BCAT1: variants seen among roughly 807,000 people sequenced by gnomAD.
BCAT1 encodes branched-chain-amino-acid aminotransferase, cytosolic.
Under a neutral mutation model 52.4 loss-of-function variants are expected in BCAT1, and 48 were observed. The ratio of observed to expected loss-of-function variants is 0.92; its 90% CI spans 0.73 to 1.16. The LOEUF is 1.16. Among genes scored for constraint, BCAT1 ranks in the 50% most tolerant of loss-of-function variants. The pLI is 0.00. For synonymous variants in BCAT1, 167 were observed against 161.3 expected (o/e 1.04, Z -0.27); for missense variants, 451 against 457.1 (o/e 0.99, Z 0.12).
At position 24,836,512 on chromosome 12, in the gene BCAT1, C is replaced by T. The variant is rs749256768; in HGVS notation, c.902G>A (p.Trp301Ter). 1 of 1,611,444 alleles carries T rather than the reference C, an allele frequency of 6.2e-7. No individual in the cohort carries two copies. The highest frequency in any genetic ancestry group is 2.2e-5 in the East Asian group (1 of 44,830). ...RRCILDLAHQ[W>*]GEFKVSERYL... ...GTTGTTCATATCAAAGGCACCCACCCACTGATGTGCCAGGTCCAGAATGCA... is the reference window on the plus strand; with the variant it reads ...GTTGTTCATATCAAAGGCACCCACCTACTGATGTGCCAGGTCCAGAATGCA... Residue 301 changes from tryptophan to a stop codon, truncating the protein, a stop_gained and splice_region_variant, in exon 8 of 11, where the codon TGG becomes TAG. Coordinates refer to ENST00000261192, the MANE Select transcript of BCAT1 (RefSeq NM_005504.7). LOFTEE classifies it high-confidence loss of function.
At chr12:24,832,182 C>G (rs1940695890) in intron 9 of BCAT1, among the ~76,000 whole-genome samples, 1 of 152,102 alleles carries the variant, frequency 6.6e-6, no homozygotes, top group Non-Finnish European at 1.5e-5. Flanking sequence ...CCCTAGTGAG[C>G]TGGTAGGAAG....
rs1439835381 is a variant in BCAT1 at position 24,894,382 on chromosome 12, G to A, written c.172C>T (p.Leu58=). 1.2e-6 allele frequency: 2 copies of A among 1,613,802 alleles called. No individual in the cohort carries two copies. Among genetic ancestry groups the A allele is most frequent in the East Asian group, 4.5e-5 (2 of 44,886 alleles). The change falls in exon 3 of 11, where the codon CTG becomes TTG. Residue 58 remains leucine, a synonymous_variant. Transcript: ENST00000261192. ...VFGTVFTDHM[L]TVEWSSEFGW... Reference sequence around the variant, plus strand: ...AACTCTGAGGACCACTCCACCGTCAGCATATGATCCGTGAACACAGTTCCA... The same window carrying A: ...AACTCTGAGGACCACTCCACCGTCAACATATGATCCGTGAACACAGTTCCA...
rs1178128463 is a variant in BCAT1, at chr12:24,949,098, T to C, written c.-166A>G. The C allele has an allele frequency of 1.9e-5, 12 of 635,836 alleles. 1 individual carries two copies. The highest frequency in any genetic ancestry group is 3.3e-5 in the Non-Finnish European group (12 of 367,702). The allele number at this position is 635,836 out of a possible 1,614,324, so 39.4% of individuals were successfully genotyped here. Reference sequence around the variant, plus strand: ...CGGCGAGTACACGTGGCGGGCTGGATTGCAGACCGGCCCTCTCGCGGCGGA... The same window carrying C: ...CGGCGAGTACACGTGGCGGGCTGGACTGCAGACCGGCCCTCTCGCGGCGGA... On this transcript the variant is annotated 5_prime_UTR_variant, in exon 1 of 11. Coordinates refer to ENST00000261192, the MANE Select transcript of BCAT1 (RefSeq NM_005504.7).
chr12:24,894,569 G>T, intron 2 of BCAT1, 94 bp from the exon 3 acceptor site: 6 of 1,080,772 alleles, frequency 5.6e-6, no homozygotes, highest in Non-Finnish European at 3.9e-6. Flanking sequence ...GAAATCAATT[G>T]ACTTTTAAAG....
Position 24,816,610 on chromosome 12 carries a change from T to G in BCAT1, c.*1398A>C. The G allele has an allele frequency of 2.5e-6, 1 of 397,318 alleles. No homozygotes were observed. Among genetic ancestry groups the G allele is most frequent in the Non-Finnish European group, 4.4e-6 (1 of 225,516 alleles). The allele number at this position is 397,318 out of a possible 1,614,324, so 24.6% of individuals were successfully genotyped here. On this transcript the variant is annotated 3_prime_UTR_variant, in exon 11 of 11. Coordinates refer to ENST00000261192, the MANE Select transcript of BCAT1 (RefSeq NM_005504.7). Reference sequence around the variant, plus strand: ...TCTACCAAAAAAAAAAAAAAAAGATTTATTTCTGCAATTAACACTTGACAT... The same window carrying G: ...TCTACCAAAAAAAAAAAAAAAAGATGTATTTCTGCAATTAACACTTGACAT...
intron 7 of BCAT1, among the ~76,000 whole-genome samples, chr12:24,837,376 A>G (rs966762168): frequency 1.3e-5 from 2 of 151,920 alleles, no homozygotes; most frequent in African/African-American, 4.8e-5. Flanking sequence ...GGCTATCCCC[A>G]AGAAGTGTGC....
rs777009658 is a variant in BCAT1, at chr12:24,855,306, TA to T, written c.511-5358del. Among the ~76,000 whole-genome samples the T allele has an allele frequency of 3.7e-3, 399 of 108,226 alleles. 1 individual carries two copies. The highest frequency in any genetic ancestry group is 7.1e-3 in the African/African-American group (209 of 29,352). The allele number at this position is 108,226 out of a possible 152,430, so 71.0% of individuals were successfully genotyped here. A position where few individuals can be genotyped will look rare whatever the true frequency, so the allele number is the denominator to read the frequency against. On this transcript the variant is annotated intron_variant, in intron 5 of 10. Transcript: ENST00000261192. ...GGTAGCCCTGCTCCGCAGGAGCAGT[TA>T]AAAAAAAAAAAAAAGAAAGAAAAAA...
chr12:24,825,018 C>G (rs7966783), intron 10 of BCAT1, among the ~76,000 whole-genome samples: 125,957 of 152,062 alleles, frequency 0.83, 52,370 homozygotes, highest in Admixed American at 0.87. Flanking sequence ...TTCGGTCCCT[C>G]GCTTATTTCA....
chr12:24,939,530 G>C (rs1487340875), intron 1 of BCAT1, among the ~76,000 whole-genome samples: 2 of 152,120 alleles, frequency 1.3e-5, no homozygotes, highest in Non-Finnish European at 2.9e-5. Context: ...ATATGTTACT[G>C]GTCTTAACTA....
At chr12:24,865,889 A>G (rs1469517722) in intron 5 of BCAT1, among the ~76,000 whole-genome samples, 1 of 152,238 alleles carries the variant, frequency 6.6e-6, no homozygotes, top group East Asian at 1.9e-4. Context: ...TATATAAATT[A>G]TGCTACTGAG....
chr12:24,832,830 T>C lies in BCAT1; in HGVS notation c.937A>G (p.Met313Val), dbSNP rs750423074. The change falls in exon 9 of 11, where the codon ATG (methionine) becomes GTG (valine). Residue 313 changes from methionine (M) to valine (V), a missense_variant. Coordinates refer to ENST00000261192, the MANE Select transcript of BCAT1 (RefSeq NM_005504.7). ...TCCAGGGCTGTTGTCAAGTCATCCA[T>C]GGTGAGGTATCTCTCTGACACCTTA... The part of the protein sequence containing the change: ...EFKVSERYLT[M>V]DDLTTALEGN... 2.5e-6 allele frequency: 4 copies of C among 1,612,318 alleles called. No individual in the cohort carries two copies. Among genetic ancestry groups the C allele is most frequent in the African/African-American group, 2.7e-5 (2 of 74,912 alleles).
intron 1 of BCAT1, among the ~76,000 whole-genome samples, chr12:24,909,515 T>C (rs1943280832): frequency 6.6e-6 from 1 of 152,176 alleles, no homozygotes; most frequent in Admixed American, 6.5e-5. Context: ...CCACAGAAAG[T>C]GATTGTCTCA....
intron 10 of BCAT1, among the ~76,000 whole-genome samples, chr12:24,824,270 C>CCTT (rs200595579): frequency 4.3e-5 from 6 of 140,202 alleles, no homozygotes; most frequent in South Asian, 2.5e-4. Context: ...TTCCTTCATT[C>CCTT]CCTCCCTCCC....
At chr12:24,915,866 A>C (rs1440812451) in intron 1 of BCAT1, among the ~76,000 whole-genome samples, 1 of 151,990 alleles carries the variant, frequency 6.6e-6, no homozygotes, top group Non-Finnish European at 1.5e-5. Flanking sequence ...GACTTTTGAA[A>C]CCTCTCAAGG....
intron 1 of BCAT1, among the ~76,000 whole-genome samples, chr12:24,917,195 C>CTTTTTTTT (rs60491814): frequency 6.8e-5 from 7 of 103,530 alleles, no homozygotes; most frequent in South Asian, 6.6e-4. Context: ...GAGCTTTGGA[C>CTTTTTTTT]TTTTTTTTTT....
intron 6 of BCAT1, among the ~76,000 whole-genome samples, chr12:24,846,903 C>G (rs1228578394): frequency 6.6e-6 from 1 of 152,118 alleles, no homozygotes; most frequent in East Asian, 1.9e-4. Flanking sequence ...TAAAAACAAC[C>G]CTAGACTTTA....
At chr12:24,912,877 A>C (rs188171493) in intron 1 of BCAT1, among the ~76,000 whole-genome samples, 1 of 152,318 alleles carries the variant, frequency 6.6e-6, no homozygotes, top group Non-Finnish European at 1.5e-5. Context: ...GGTTGCTCAA[A>C]ATCATTGACA....
chr12:24,913,608 C>T (rs537020484), intron 1 of BCAT1, among the ~76,000 whole-genome samples: 1 of 152,184 alleles, frequency 6.6e-6, no homozygotes, highest in Non-Finnish European at 1.5e-5. Context: ...CCCCAACAGA[C>T]AATGCCCAGG....
chr12:24,849,234 T>C (rs1033932212), intron 6 of BCAT1, among the ~76,000 whole-genome samples: 2 of 152,266 alleles, frequency 1.3e-5, no homozygotes, highest in Non-Finnish European at 2.9e-5. Context: ...CAGCTACATA[T>C]GGCCTATGAG....
Sources: gnomAD v4.1 joint callset for allele counts (sites outside exome capture counted in the v4.1 genomes callset) on GRCh38, gnomAD v4.1.1 for gene constraint, MANE v1.5 for transcripts, NCBI Gene and HGNC (gene_info 2026-07-23, HGNC 2026-07-21) for gene names.